The following SH3KBP1 variants were observed in gnomAD, a reference collection of about 807,000 sequenced individuals.
SH3KBP1 encodes SH3 domain-containing kinase-binding protein 1.
SH3KBP1 carries 8 observed loss-of-function variants against 50.1 expected under a neutral mutation model. The ratio of observed to expected loss-of-function variants is 0.16; its 90% CI spans 0.09 to 0.29. The LOEUF (loss-of-function observed/expected upper bound fraction) is 0.29, where lower values mean the gene tolerates loss of function less well. SH3KBP1 is among the 10% of genes least tolerant of loss of function. SH3KBP1 has a pLI of 1.00. For synonymous variants in SH3KBP1, 227 were observed against 218.6 expected, an observed-to-expected ratio of 1.04 and a Z score of -0.34; for missense variants, 377 against 535.2, an observed-to-expected ratio of 0.70 and a Z score of 2.92.
chrX:19,870,226 A>G (rs779135879), intron 1 of SH3KBP1, among the ~76,000 whole-genome samples: 50 of 112,957 alleles, frequency 4.4e-4, no homozygotes, highest in Non-Finnish European at 6.4e-4. Flanking sequence ...AAAAAGAAGA[A>G]AGATGATTTT....
At chrX:19,835,368 G>A (rs1231331622) in intron 2 of SH3KBP1, among the ~76,000 whole-genome samples, 4 of 109,112 alleles carry the variant, frequency 3.7e-5, no homozygotes, top group Non-Finnish European at 7.6e-5. Flanking sequence ...CAAACTCCTG[G>A]GCTCAAGTGA....
chrX:19,872,906 G>A (rs1303957391), intron 1 of SH3KBP1, among the ~76,000 whole-genome samples: 1 of 109,046 alleles, frequency 9.2e-6, no homozygotes, highest in East Asian at 2.9e-4. Flanking sequence ...TGAACACAGA[G>A]TTTCTAGAAC....
chrX:19,736,626 C>T lies in SH3KBP1; in HGVS notation c.286+9692G>A, dbSNP rs1178291127. ...GCCCACCTGGCACTGCAGCTGGGCC[C>T]GCTGTTGGCCTAATCATGAGTTAGG... On this transcript the variant is annotated intron_variant, in intron 3 of 17. Transcript: ENST00000397821. Among the ~76,000 whole-genome samples the T allele has an allele frequency of 3.6e-5, 4 of 111,877 alleles. No homozygotes were observed. The South Asian group carries it at 1.1e-3, about 31-fold the overall frequency.
chrX:19,571,109 G>A (rs2065994401), intron 12 of SH3KBP1, among the ~76,000 whole-genome samples: 1 of 112,230 alleles, frequency 8.9e-6, no homozygotes, highest in African/African-American at 3.2e-5. Context: ...GGAGGGGCAG[G>A]GGTAAGAATA....
At chrX:19,603,658 G>C (rs2067158160) in intron 9 of SH3KBP1, among the ~76,000 whole-genome samples, 1 of 112,178 alleles carries the variant, frequency 8.9e-6, no homozygotes, top group Admixed American at 9.4e-5. Context: ...CTGGTGATTT[G>C]AACAGTTTCT....
intron 2 of SH3KBP1, among the ~76,000 whole-genome samples, chrX:19,828,852 G>A (rs979773477): frequency 1.8e-5 from 2 of 111,789 alleles, no homozygotes; most frequent in African/African-American, 3.3e-5. Flanking sequence ...AATCATCACT[G>A]GGAGATTGGG....
At chrX:19,668,974 A>ATATATATATATATATTTT (rs1491195501) in intron 6 of SH3KBP1, among the ~76,000 whole-genome samples, 1 of 63,872 alleles carries the variant, frequency 1.6e-5, no homozygotes, top group Non-Finnish European at 3.0e-5. Context: ...ATATATATAT[A>ATATATATATATATATTTT]TTTTTTGAGA....
intron 4 of SH3KBP1, among the ~76,000 whole-genome samples, chrX:19,703,711 T>C (rs2063582672): frequency 1.2e-5 from 1 of 85,008 alleles, no homozygotes; most frequent in African/African-American, 5.6e-5. Context: ...TGTGTGTGTG[T>C]GTGTGTGTGT....
chrX:19,801,840 C>T (rs1040788289), intron 2 of SH3KBP1, among the ~76,000 whole-genome samples: 3 of 112,146 alleles, frequency 2.7e-5, no homozygotes, highest in African/African-American at 9.7e-5. Flanking sequence ...CTTTGGGAGG[C>T]TGAGGTGGGC....
At position 19,836,160 on chromosome X, in the gene SH3KBP1, C is replaced by G. The variant is rs370417216; in HGVS notation, c.127G>C (p.Gly43Arg). 1 of 1,211,093 alleles carries G rather than the reference C, an allele frequency of 8.3e-7. No individual in the cohort carries two copies. The highest frequency in any genetic ancestry group is 1.8e-5 in the South Asian group (1 of 56,945). The change falls in exon 2 of 18, where the codon GGC becomes CGC. Residue 43 changes from glycine (G) to arginine (R), a missense_variant. Transcript: ENST00000397821. Reference sequence around the variant, plus strand: ...TTGTCAGGGAACAAACCTCTCCTGCCGTTGATCTGTCCCTCCCACCAGCCT... The same window carrying G: ...TTGTCAGGGAACAAACCTCTCCTGCGGTTGATCTGTCCCTCCCACCAGCCT... Reference protein sequence around the residue: ...DGGWWEGQINGRRGLFPDNFV... With the variant: ...DGGWWEGQINRRRGLFPDNFV...
intron 12 of SH3KBP1, among the ~76,000 whole-genome samples, chrX:19,573,255 A>T (rs2066100922): frequency 8.9e-6 from 1 of 111,838 alleles, no homozygotes; most frequent in Non-Finnish European, 1.9e-5. Context: ...GGATAAGATT[A>T]TAGGTAGATT....
At chrX:19,588,513 A>T in intron 12 of SH3KBP1, 130 bp downstream of exon 12, 1 of 1,208,978 alleles carries the variant, frequency 8.3e-7, no homozygotes, top group Middle Eastern at 2.3e-4. Flanking sequence ...TTGCTGGAGG[A>T]TGTAAGAGGG....
intron 8 of SH3KBP1, among the ~76,000 whole-genome samples, chrX:19,612,623 C>T (rs1304202159): frequency 9.0e-6 from 1 of 111,489 alleles, no homozygotes; most frequent in African/African-American, 3.3e-5. Flanking sequence ...CACTTAGAAT[C>T]ACCTGGGAAT....
chrX:19,592,853 G>A (rs189505572), intron 10 of SH3KBP1, among the ~76,000 whole-genome samples: 54 of 112,401 alleles, frequency 4.8e-4, no homozygotes, highest in Admixed American at 7.5e-4. Context: ...CCCTTGCCAA[G>A]GGGAGCCAGA....
intron 6 of SH3KBP1, among the ~76,000 whole-genome samples, chrX:19,667,771 A>C (rs999177021): frequency 9.2e-6 from 1 of 109,229 alleles, no homozygotes; most frequent in African/African-American, 3.3e-5. Flanking sequence ...AGTAAAGTTA[A>C]GTGTATAGGA....
intron 1 of SH3KBP1, among the ~76,000 whole-genome samples, chrX:19,883,886 A>G (rs1004837614): frequency 6.3e-5 from 7 of 111,151 alleles, no homozygotes; most frequent in Admixed American, 1.9e-4. Flanking sequence ...ACCCAATCAC[A>G]AATTCCCCCT....
At chrX:19,668,709 G>A (rs1426733150) in intron 6 of SH3KBP1, among the ~76,000 whole-genome samples, 2 of 103,045 alleles carry the variant, frequency 1.9e-5, no homozygotes, top group African/African-American at 3.5e-5. Flanking sequence ...AATTAGCCGG[G>A]CATGGTGGTG....
chrX:19,684,915 A>C lies in SH3KBP1; in HGVS notation c.521-887T>G, dbSNP rs150971145. On this transcript the variant is annotated intron_variant, in intron 5 of 17. Coordinates refer to ENST00000397821, the MANE Select transcript of SH3KBP1 (RefSeq NM_031892.3). ...TCTTTTTTCCCAAGGCTCTGCCCACAATCATGTTCCTAAAAGGAAGAGCCT... is the reference window on the plus strand; with the variant it reads ...TCTTTTTTCCCAAGGCTCTGCCCACCATCATGTTCCTAAAAGGAAGAGCCT... Among the ~76,000 whole-genome samples the C allele has an allele frequency of 1.9e-3, 211 of 112,343 alleles. 3 individuals are homozygous for C. The East Asian group carries it at 0.044, about 24-fold the overall frequency.
intron 1 of SH3KBP1, among the ~76,000 whole-genome samples, chrX:19,844,001 A>C (rs187723394): frequency 9.0e-6 from 1 of 111,079 alleles, no homozygotes; most frequent in Non-Finnish European, 1.9e-5. Flanking sequence ...CTGGGAGCAA[A>C]TTCCAGCTTA....
Sources: allele counts gnomAD v4.1 joint callset (sites outside exome capture counted in the v4.1 genomes callset), GRCh38; gene constraint gnomAD v4.1.1; transcripts MANE v1.5; gene names NCBI Gene and HGNC (gene_info 2026-07-23, HGNC 2026-07-21).